IL1RAPL1: variants seen among roughly 807,000 people sequenced by gnomAD.
IL1RAPL1 encodes the protein interleukin-1 receptor accessory protein-like 1.
Under a neutral mutation model 48.4 loss-of-function variants are expected in IL1RAPL1, and 3 were observed. That is an observed-to-expected ratio of 0.06 (90% confidence interval 0.03 to 0.16). The LOEUF (loss-of-function observed/expected upper bound fraction) is 0.16, where lower values mean the gene tolerates loss of function less well. Among genes scored for constraint, IL1RAPL1 ranks in the 10% least tolerant of loss-of-function variants. The pLI, the probability that IL1RAPL1 is intolerant of heterozygous loss-of-function variation, is 1.00. For synonymous variants in IL1RAPL1, 185 were observed against 187.7 expected, an observed-to-expected ratio of 0.99 and a Z score of 0.12; for missense variants, 349 against 530.6, an observed-to-expected ratio of 0.66 and a Z score of 3.36.
At chrX:29,036,368 A>G (rs1392332823) in intron 2 of IL1RAPL1, among the ~76,000 whole-genome samples, 2 of 112,526 alleles carry the variant, frequency 1.8e-5, no homozygotes, top group Non-Finnish European at 3.8e-5. Flanking sequence ...TAAAACAGTT[A>G]AGAATCTGCA....
chrX:29,729,070 C>G (rs1277169942), intron 6 of IL1RAPL1, among the ~76,000 whole-genome samples: 1 of 111,674 alleles, frequency 9.0e-6, no homozygotes, highest in Non-Finnish European at 1.9e-5. Context: ...GGTGTCATGT[C>G]TACGTTTTTC....
At chrX:29,196,830 T>C (rs1488887394) in intron 2 of IL1RAPL1, among the ~76,000 whole-genome samples, 1 of 110,516 alleles carries the variant, frequency 9.0e-6, no homozygotes, top group Non-Finnish European at 1.9e-5. Context: ...TCCATGATGC[T>C]GCATGGTATT....
chrX:28,946,844 G>A (rs1354113180), intron 2 of IL1RAPL1, among the ~76,000 whole-genome samples: 1 of 111,649 alleles, frequency 9.0e-6, no homozygotes, highest in East Asian at 2.8e-4. Context: ...AAAAAGCACA[G>A]TGCTATTTGT....
At chrX:29,394,539 TA>T (rs1436603705) in intron 3 of IL1RAPL1, among the ~76,000 whole-genome samples, 1 of 112,561 alleles carries the variant, frequency 8.9e-6, no homozygotes, top group Non-Finnish European at 1.9e-5. Context: ...GCCAAATTCT[TA>T]TTCAGTCTCT....
intron 2 of IL1RAPL1, among the ~76,000 whole-genome samples, chrX:29,112,170 C>T (rs909476079): frequency 1.8e-5 from 2 of 110,941 alleles, no homozygotes; most frequent in Non-Finnish European, 3.8e-5. Context: ...AAGTGATCCG[C>T]CTGCCTCGGC....
chrX:29,216,308 G>A (rs1930868101), intron 2 of IL1RAPL1, among the ~76,000 whole-genome samples: 1 of 110,779 alleles, frequency 9.0e-6, no homozygotes, highest in Non-Finnish European at 1.9e-5. Context: ...TCCCACCTCA[G>A]CCTCCTTAGT....
At position 29,462,456 on chromosome X, in the gene IL1RAPL1, T is replaced by C. The variant is rs1934813956; in HGVS notation, c.703+63148T>C. Among the ~76,000 whole-genome samples the C allele has an allele frequency of 3.6e-5, 4 of 111,666 alleles. No individual in the cohort carries two copies. The Admixed American group carries it at 3.8e-4, about 11-fold the overall frequency. ...TCCAAAAATCTTATGATTTTAATCT[T>C]ATGATCCTCCTGAGACCTGGCACTA... On this transcript the variant is annotated intron_variant, in intron 5 of 10. Coordinates refer to ENST00000378993, the MANE Select transcript of IL1RAPL1 (RefSeq NM_014271.4).
At chrX:29,462,507 A>G (rs1934814577) in intron 5 of IL1RAPL1, among the ~76,000 whole-genome samples, 1 of 111,414 alleles carries the variant, frequency 9.0e-6, no homozygotes, top group African/African-American at 3.3e-5. Context: ...TGAATACTTC[A>G]TAATTATTCC....
rs577262268 is a variant in IL1RAPL1, at chrX:28,978,875, C to T, written c.82+189450C>T. On this transcript the variant is annotated intron_variant, in intron 2 of 10. Transcript: ENST00000378993. ...CTTGATAAAAAGAGAAGTGATGCCA[C>T]GAAGGGCATAAGGAATAGTGAAAAG... Among the ~76,000 whole-genome samples, 46 of 111,495 alleles carry T rather than the reference C, an allele frequency of 4.1e-4. No homozygotes were observed. In the South Asian group the frequency reaches 0.016, roughly 38 times the overall value.
intron 6 of IL1RAPL1, among the ~76,000 whole-genome samples, chrX:29,702,100 C>A (rs1235633720): frequency 9.0e-6 from 1 of 110,904 alleles, no homozygotes. Flanking sequence ...ACTAAAAATA[C>A]AAAACCTAGC....
At chrX:28,981,925 C>T (rs1363018913) in intron 2 of IL1RAPL1, among the ~76,000 whole-genome samples, 2 of 111,700 alleles carry the variant, frequency 1.8e-5, no homozygotes, top group Non-Finnish European at 3.8e-5. Context: ...CCTCTCCCAT[C>T]GCTGCTTTTG....
At chrX:29,554,639 T>C (rs1263170585) in intron 5 of IL1RAPL1, among the ~76,000 whole-genome samples, 1 of 111,609 alleles carries the variant, frequency 9.0e-6, no homozygotes, top group Admixed American at 9.5e-5. Context: ...TTCACTCTCT[T>C]AGCATTTTAA....
chrX:29,138,997 G>A (rs896634675), intron 2 of IL1RAPL1, among the ~76,000 whole-genome samples: 12 of 111,287 alleles, frequency 1.1e-4, no homozygotes, highest in South Asian at 3.8e-4. Context: ...TTTCCAACAC[G>A]GCATTGGATC....
At chrX:28,827,279 T>G (rs1209804877) in intron 2 of IL1RAPL1, among the ~76,000 whole-genome samples, 2 of 111,257 alleles carry the variant, frequency 1.8e-5, no homozygotes, top group Non-Finnish European at 3.8e-5. Flanking sequence ...CTAATCTCAT[T>G]CTTAACTAGG....
chrX:29,534,701 G>A lies in IL1RAPL1; in HGVS notation c.704-133729G>A, dbSNP rs974767417. ...AAGAGAAATTAGGCCGGGCGCGGTGGCTCATGCCTGTAATCCCAGCACTTT... is the reference window on the plus strand; with the variant it reads ...AAGAGAAATTAGGCCGGGCGCGGTGACTCATGCCTGTAATCCCAGCACTTT... On this transcript the variant is annotated intron_variant, in intron 5 of 10. Coordinates refer to ENST00000378993, the MANE Select transcript of IL1RAPL1 (RefSeq NM_014271.4). Among the ~76,000 whole-genome samples the A allele has an allele frequency of 8.1e-5, 9 of 110,538 alleles. No individual in the cohort carries two copies. In the East Asian group the frequency reaches 2.6e-3, roughly 32 times the overall value.
chrX:29,512,317 A>C (rs990145452), intron 5 of IL1RAPL1, among the ~76,000 whole-genome samples: 2 of 103,561 alleles, frequency 1.9e-5, no homozygotes, highest in African/African-American at 6.9e-5. Context: ...AATAGGTAGG[A>C]TAAGTACTAA....
At chrX:29,069,628 AACACACACACAC>A (rs56373899) in intron 2 of IL1RAPL1, among the ~76,000 whole-genome samples, 46 of 83,732 alleles carry the variant, frequency 5.5e-4, no homozygotes, top group African/African-American at 1.4e-3. Flanking sequence ...TTTCCTATAG[AACACACACACAC>A]ACACACACAC....
intron 2 of IL1RAPL1, among the ~76,000 whole-genome samples, chrX:29,224,128 A>C (rs1931035349): frequency 9.0e-6 from 1 of 111,627 alleles, no homozygotes; most frequent in African/African-American, 3.3e-5. Context: ...GTAGGGACTA[A>C]ATTAATATGC....
At chrX:29,475,068 C>T in intron 5 of IL1RAPL1, among the ~76,000 whole-genome samples, 1 of 112,381 alleles carries the variant, frequency 8.9e-6, no homozygotes, top group Admixed American at 9.4e-5. Flanking sequence ...CTGTTAGATG[C>T]TCCAGAAATA....
Sources: gnomAD v4.1 joint callset for allele counts (sites outside exome capture counted in the v4.1 genomes callset) on GRCh38, gnomAD v4.1.1 for gene constraint, MANE v1.5 for transcripts, NCBI Gene and HGNC (gene_info 2026-07-23, HGNC 2026-07-21) for gene names.